The following RBM19 variants were observed in gnomAD, a reference collection of about 807,000 sequenced individuals.
The protein encoded by RBM19 is RNA binding motif protein 19, also known as probable RNA-binding protein 19.
Under a neutral mutation model 116.8 loss-of-function variants are expected in RBM19, and 94 were observed. The observed-to-expected ratio is 0.80, with a 90% CI of 0.68 to 0.95. The LOEUF (loss-of-function observed/expected upper bound fraction) is 0.95. Ranked by LOEUF, RBM19 falls within the 40% of genes least tolerant of loss-of-function variation. RBM19 has a pLI of 0.00. For synonymous variants in RBM19, 475 were observed against 494.1 expected (o/e 0.96, Z 0.51); for missense variants, 1,161 against 1,220.7 (o/e 0.95, Z 0.73).
Position 113,825,304 on chromosome 12 carries a change from T to C in RBM19, c.2786-1983A>G, listed in dbSNP as rs1377341971. Among the ~76,000 whole-genome samples the C allele has an allele frequency of 1.3e-5, 2 of 151,264 alleles. No homozygotes were observed. Among genetic ancestry groups the C allele is most frequent in the Non-Finnish European group, 2.9e-5 (2 of 67,884 alleles). On this transcript the variant is annotated intron_variant, in intron 23 of 23. Coordinates refer to ENST00000261741, the MANE Select transcript of RBM19 (RefSeq NM_016196.4). The surrounding 1 kb of genome is among the most constrained non-coding windows in gnomAD (Gnocchi z 5.7). ...AAGGCCTTGCAGCTCTACCCATCATTGTTAATCATGAAAAGGGAGAGGGGG... is the reference window on the plus strand; with the variant it reads ...AAGGCCTTGCAGCTCTACCCATCATCGTTAATCATGAAAAGGGAGAGGGGG...
At chr12:113,817,190 T>C (rs1043810), downstream of RBM19, 67,861 of 152,130 alleles carry the variant, frequency 0.45, 15,891 homozygotes, top group Middle Eastern at 0.52. Context: ...GGGCAGAGGC[T>C]GCTGGAAATT....
At chr12:113,831,815 G>C (rs1372518390) in intron 23 of RBM19, among the ~76,000 whole-genome samples, 1 of 152,208 alleles carries the variant, frequency 6.6e-6, no homozygotes, top group Non-Finnish European at 1.5e-5. Context: ...ACCGCCCAGC[G>C]AGGCTCAGGC....
chr12:113,846,350 T>C (rs879902), intron 22 of RBM19, among the ~76,000 whole-genome samples: 10,696 of 152,280 alleles, frequency 0.07, 673 homozygotes, highest in East Asian at 0.34. Context: ...GTAGCTCCTA[T>C]GGTCAGACCC....
Position 113,927,186 on chromosome 12 carries a change from TTCCTC to T in RBM19, c.2107_2111del (p.Glu703ArgfsTer31). ...TCTTTGCTGAAGAGTTGTCTGCTCC[TTCCTC>T]TGTTGGATTTTCATCTTCTGGGGTT... On this transcript the variant is annotated frameshift_variant, in exon 17 of 24. Transcript: ENST00000261741. LOFTEE classifies it high-confidence loss of function. The T allele has an allele frequency of 6.3e-7, 1 of 1,584,040 alleles. No homozygotes were observed. Among genetic ancestry groups the T allele is most frequent in the Non-Finnish European group, 8.6e-7 (1 of 1,164,170 alleles).
At chr12:113,892,631 A>C (rs1881038771) in intron 21 of RBM19, among the ~76,000 whole-genome samples, 1 of 152,208 alleles carries the variant, frequency 6.6e-6, no homozygotes, top group East Asian at 1.9e-4. Flanking sequence ...TTAGGTTTTT[A>C]AAAGGGTCAG....
intron 21 of RBM19, among the ~76,000 whole-genome samples, chr12:113,860,978 G>A (rs1198789299): frequency 3.9e-5 from 6 of 152,234 alleles, no homozygotes; most frequent in Non-Finnish European, 7.3e-5. Context: ...AGAGGGCGGT[G>A]ATGAGGGTGA....
At chr12:113,890,643 A>AAAAACC (rs1880899069) in intron 21 of RBM19, among the ~76,000 whole-genome samples, 1 of 152,218 alleles carries the variant, frequency 6.6e-6, no homozygotes, top group South Asian at 2.1e-4. Context: ...GTTGAAAAAC[A>AAAAACC]AAAACCAACC....
rs1458624013 is a variant in RBM19 at position 113,825,364 on chromosome 12, C to T, written c.2786-2043G>A. Reference sequence around the variant, plus strand: ...GCTGGGGTGGTGGGGGCTGGCGGCCCGGGGCTCGGACTCCGGCTTCCTCTC... The same window carrying T: ...GCTGGGGTGGTGGGGGCTGGCGGCCTGGGGCTCGGACTCCGGCTTCCTCTC... On this transcript the variant is annotated intron_variant, in intron 23 of 23. Transcript: ENST00000261741. The surrounding 1 kb of genome is among the most constrained non-coding windows in gnomAD (Gnocchi z 5.7). Among the ~76,000 whole-genome samples the T allele has an allele frequency of 1.3e-5, 2 of 152,078 alleles. No homozygotes were observed. The highest frequency in any genetic ancestry group is 1.5e-5 in the Non-Finnish European group (1 of 68,000).
intron 7 of RBM19, among the ~76,000 whole-genome samples, 153 bp downstream of exon 7, chr12:113,954,978 A>G (rs889578766): frequency 1.3e-5 from 2 of 151,970 alleles, no homozygotes; most frequent in Admixed American, 1.3e-4. Context: ...ACGATGCCGG[A>G]GATGTTATTT....
chr12:113,960,403 A>G (rs1293011966), intron 2 of RBM19, among the ~76,000 whole-genome samples: 1 of 152,212 alleles, frequency 6.6e-6, no homozygotes, highest in Non-Finnish European at 1.5e-5. Context: ...CTGTAATGGT[A>G]ATAGCTGCCA....
At position 113,822,243 on chromosome 12, in the gene RBM19, A is replaced by C. The variant is rs570782919; in HGVS notation, c.*981T>G. ...CTAGATTCAGACTGCAGTGAGATGC[A>C]GTGCAGTTCTTGCTCTGCCCTCTCC... On this transcript the variant is annotated 3_prime_UTR_variant, in exon 24 of 24. Transcript: ENST00000261741. The C allele has an allele frequency of 6.6e-6, 1 of 152,374 alleles. No homozygotes were observed. The highest frequency in any genetic ancestry group is 2.4e-5 in the African/African-American group (1 of 41,592). The allele number at this position is 152,374 out of a possible 1,614,324, so 9.4% of individuals were successfully genotyped here.
At chr12:113,928,625 A>G (rs55726577) in intron 16 of RBM19, among the ~76,000 whole-genome samples, 4,400 of 120,414 alleles carry the variant, frequency 0.037, 164 homozygotes, top group African/African-American at 0.089. Flanking sequence ...TTAGCAAGGG[A>G]TGTGTGTGTG....
intron 16 of RBM19, 132 bp downstream of exon 16, chr12:113,936,875 G>A: frequency 1.7e-6 from 2 of 1,207,554 alleles, no homozygotes; most frequent in East Asian, 2.4e-5. Context: ...GAGAGTCTGA[G>A]CCCTGCTGGT....
intron 20 of RBM19, among the ~76,000 whole-genome samples, chr12:113,916,619 T>C (rs1056034666): frequency 2.6e-5 from 4 of 152,164 alleles, no homozygotes. Flanking sequence ...CATTGTGGCC[T>C]CCTTCTTCCC....
At chr12:113,920,910 G>C in intron 18 of RBM19, among the ~76,000 whole-genome samples, 1 of 152,166 alleles carries the variant, frequency 6.6e-6, no homozygotes, top group East Asian at 1.9e-4. Flanking sequence ...AGGCCCATTT[G>C]ACTATTAATT....
chr12:113,921,241 T>A (rs1444372726), intron 18 of RBM19, among the ~76,000 whole-genome samples: 1 of 152,190 alleles, frequency 6.6e-6, no homozygotes, highest in Non-Finnish European at 1.5e-5. Context: ...AGAGTTCAGA[T>A]AGCAAAGAAT....
At chr12:113,829,519 G>T (rs569323656) in intron 23 of RBM19, among the ~76,000 whole-genome samples, 1 of 152,330 alleles carries the variant, frequency 6.6e-6, no homozygotes, top group African/African-American at 2.4e-5. Context: ...CTCTTAGCAA[G>T]CATGACCCAG....
chr12:113,900,981 T>C (rs974641957), intron 21 of RBM19, among the ~76,000 whole-genome samples: 4 of 152,188 alleles, frequency 2.6e-5, no homozygotes, highest in Non-Finnish European at 5.9e-5. Context: ...TCCTGCAATA[T>C]GGAGAATCTG....
intron 21 of RBM19, among the ~76,000 whole-genome samples, chr12:113,871,876 G>C (rs9645768): frequency 0.062 from 9,423 of 151,264 alleles, 487 homozygotes; most frequent in East Asian, 0.32. Context: ...CCGCGGGGCC[G>C]GAGGGCAAGG....
Sources: allele counts gnomAD v4.1 joint callset (sites outside exome capture counted in the v4.1 genomes callset), GRCh38; gene constraint gnomAD v4.1.1; non-coding constraint Gnocchi (gnomAD v3.1); transcripts MANE v1.5; gene names NCBI Gene and HGNC (gene_info 2026-07-23, HGNC 2026-07-21).